The following GPC5 variants were observed in gnomAD, a reference collection of about 807,000 sequenced individuals.
GPC5 encodes glypican 5.
GPC5 carries 47 observed loss-of-function variants against 53.9 expected under a neutral mutation model. The observed-to-expected ratio is 0.87, with a 90% CI of 0.69 to 1.11. The LOEUF is 1.11. Ranked by LOEUF, GPC5 falls within the 50% of genes most tolerant of loss-of-function variation. The probability of loss-of-function intolerance (pLI) is 0.00; values close to 1 mark genes in which losing one functional copy is unlikely to be tolerated. For missense variants in GPC5, 748 were observed against 713.1 expected (o/e 1.05, Z -0.56); for synonymous variants, 286 against 263.3 (o/e 1.09, Z -0.84).
chr13:91,733,280 A>G (rs1431357844), intron 4 of GPC5, among the ~76,000 whole-genome samples: 1 of 151,978 alleles, frequency 6.6e-6, no homozygotes, highest in Non-Finnish European at 1.5e-5. Context: ...GGATTACAGC[A>G]TGCACCACCA....
intron 6 of GPC5, among the ~76,000 whole-genome samples, chr13:92,114,463 C>T (rs530276565): frequency 2.0e-5 from 3 of 152,210 alleles, no homozygotes; most frequent in East Asian, 3.9e-4. Context: ...AGTGTTTTCC[C>T]GGGATAAGAG....
Position 91,633,609 on chromosome 13 carries a change from T to G in GPC5, c.326-59578T>G, listed in dbSNP as rs966727063. On this transcript the variant is annotated intron_variant, in intron 2 of 7. Coordinates refer to ENST00000377067, the MANE Select transcript of GPC5 (RefSeq NM_004466.6). The stretch of plus-strand genomic sequence containing the variant: ...GTTGGAGTTTCTGAAAAAATCCAGT[T>G]TAACCTATGGGTTGAGTGTTCGTCT... Among the ~76,000 whole-genome samples the G allele has an allele frequency of 2.6e-5, 4 of 152,270 alleles. No homozygotes were observed. The East Asian group carries it at 7.7e-4, about 29-fold the overall frequency.
intron 6 of GPC5, among the ~76,000 whole-genome samples, chr13:91,965,531 A>G (rs1275055008): frequency 6.6e-6 from 1 of 152,166 alleles, no homozygotes; most frequent in Admixed American, 6.6e-5. Flanking sequence ...ATGTAATTGT[A>G]CATATCTTCA....
intron 7 of GPC5, among the ~76,000 whole-genome samples, chr13:92,410,856 G>T (rs1405120176): frequency 6.6e-6 from 1 of 152,164 alleles, no homozygotes; most frequent in Non-Finnish European, 1.5e-5. Context: ...ATAATTTTAA[G>T]AACTACTTAT....
chr13:92,703,482 CTTTA>C (rs984925054), intron 7 of GPC5, among the ~76,000 whole-genome samples: 3 of 151,122 alleles, frequency 2.0e-5, no homozygotes, highest in Non-Finnish European at 3.0e-5. Context: ...GGTTTTTTGT[CTTTA>C]TTTGTCATAT....
chr13:92,662,989 T>A (rs1292016328), intron 7 of GPC5, among the ~76,000 whole-genome samples: 1 of 152,204 alleles, frequency 6.6e-6, no homozygotes, highest in African/African-American at 2.4e-5. Flanking sequence ...AAACCACTTT[T>A]GTTAAGAACC....
At chr13:92,295,296 G>T (rs956927776) in intron 7 of GPC5, among the ~76,000 whole-genome samples, 1 of 152,132 alleles carries the variant, frequency 6.6e-6, no homozygotes, top group African/African-American at 2.4e-5. Flanking sequence ...TCAGGAACAG[G>T]CTATTTAATT....
chr13:92,447,015 A>C (rs1877856082), intron 7 of GPC5: 1 of 152,222 alleles, frequency 6.6e-6, no homozygotes, highest in African/African-American at 2.4e-5. Context: ...TGAGGTTCTT[A>C]CATATTCTGG....
chr13:91,756,450 A>G, intron 5 of GPC5, 30 bp downstream of exon 5: 1 of 1,530,762 alleles, frequency 6.5e-7, no homozygotes, highest in Non-Finnish European at 8.9e-7. Context: ...AAAACCTACT[A>G]GTTACATCAT....
At chr13:91,461,910 A>G (rs1211016297) in intron 2 of GPC5, among the ~76,000 whole-genome samples, 5 of 152,232 alleles carry the variant, frequency 3.3e-5, no homozygotes, top group Non-Finnish European at 4.4e-5. Context: ...ATTATGGGCA[A>G]AAATACCCTC....
chr13:92,578,583 G>A (rs1192519122), intron 7 of GPC5, among the ~76,000 whole-genome samples: 1 of 152,084 alleles, frequency 6.6e-6, no homozygotes, highest in African/African-American at 2.4e-5. Context: ...TCTGTTGTCC[G>A]AGGGCTGGAG....
chr13:91,868,426 G>A (rs1248273710), intron 5 of GPC5, among the ~76,000 whole-genome samples: 2 of 152,180 alleles, frequency 1.3e-5, no homozygotes, highest in Non-Finnish European at 2.9e-5. Flanking sequence ...AGGAGACAAG[G>A]CTGGGCATGG....
intron 7 of GPC5, among the ~76,000 whole-genome samples, chr13:92,739,660 C>A (rs904900848): frequency 1.3e-5 from 2 of 150,916 alleles, no homozygotes; most frequent in Non-Finnish European, 2.9e-5. Flanking sequence ...ATCAATTTTT[C>A]TTTCTCTTCT....
chr13:92,223,126 TA>T (rs149522354), intron 7 of GPC5, among the ~76,000 whole-genome samples: 3,457 of 152,202 alleles, frequency 0.023, 67 homozygotes, highest in Middle Eastern at 0.044. Context: ...TTGCTGAACC[TA>T]AAAAAATGAC....
rs533777606 is a variant in GPC5 at position 91,950,213 on chromosome 13, T to G, written c.1401+42156T>G. On this transcript the variant is annotated intron_variant, in intron 6 of 7. Transcript: ENST00000377067. ...CACACCATTCATGCTCTAACCTTAT[T>G]TCTCCTCACACCAATAGCAGAATTT... Among the ~76,000 whole-genome samples the G allele has an allele frequency of 1.8e-4, 27 of 152,090 alleles. 1 individual carries two copies. In the East Asian group the frequency reaches 5.2e-3, roughly 29 times the overall value.
At chr13:92,676,406 A>G (rs1401609624) in intron 7 of GPC5, among the ~76,000 whole-genome samples, 3 of 152,188 alleles carry the variant, frequency 2.0e-5, no homozygotes, top group Admixed American at 6.5e-5. Flanking sequence ...AGGAGATACA[A>G]TTGCCATCAC....
intron 5 of GPC5, among the ~76,000 whole-genome samples, chr13:91,801,253 T>TTGCGTGTGTG (rs2038130449): frequency 6.8e-6 from 1 of 146,298 alleles, no homozygotes; most frequent in African/African-American, 2.5e-5. Context: ...CATCCATACT[T>TTGCGTGTGTG]TGTGTGTGTG....
At chr13:92,261,298 A>G (rs191108786) in intron 7 of GPC5, among the ~76,000 whole-genome samples, 4 of 152,290 alleles carry the variant, frequency 2.6e-5, no homozygotes, top group African/African-American at 7.2e-5. Flanking sequence ...GAATCATACA[A>G]TCTTACAATC....
chr13:91,711,498 A>G (rs1020205062), intron 3 of GPC5, among the ~76,000 whole-genome samples: 3 of 152,168 alleles, frequency 2.0e-5, no homozygotes, highest in African/African-American at 7.2e-5. Flanking sequence ...AGAAATACCT[A>G]ATGTAAATGA....
Sources: gnomAD v4.1 joint callset for allele counts (sites outside exome capture counted in the v4.1 genomes callset) on GRCh38, gnomAD v4.1.1 for gene constraint, MANE v1.5 for transcripts, NCBI Gene and HGNC (gene_info 2026-07-23, HGNC 2026-07-21) for gene names.